The following LHPP variants were observed in gnomAD, a reference collection of about 807,000 sequenced individuals.
LHPP encodes phospholysine phosphohistidine inorganic pyrophosphate phosphatase.
LHPP carries 24 observed loss-of-function variants against 30.3 expected under a neutral mutation model. That is an observed-to-expected ratio of 0.79 (90% confidence interval 0.57 to 1.11). The LOEUF (loss-of-function observed/expected upper bound fraction) is 1.11, where lower values mean the gene tolerates loss of function less well. LHPP is among the 50% of genes most tolerant of loss of function. The pLI, the probability that LHPP is intolerant of heterozygous loss-of-function variation, is 0.00. For synonymous variants in LHPP, 150 were observed against 157.1 expected (o/e 0.95, Z 0.34); for missense variants, 356 against 367.2 (o/e 0.97, Z 0.25).
chr10:124,548,626 C>T (rs955841460), intron 6 of LHPP, among the ~76,000 whole-genome samples: 1 of 152,190 alleles, frequency 6.6e-6, no homozygotes, highest in African/African-American at 2.4e-5. Flanking sequence ...GGGAGGAGGG[C>T]ATGGGAGGTG....
intron 1 of LHPP, among the ~76,000 whole-genome samples, chr10:124,474,865 C>T (rs1952893249): frequency 6.6e-6 from 1 of 152,118 alleles, no homozygotes; most frequent in African/African-American, 2.4e-5. Flanking sequence ...CTGGGCGATA[C>T]ACTCTGGGCT....
At chr10:124,490,281 G>A (rs746365639) in intron 3 of LHPP, 131 of 200,816 alleles carry the variant, frequency 6.5e-4, no homozygotes, top group Admixed American at 1.2e-3. Context: ...CAGCCTGCCA[G>A]TCTCCAGACC....
chr10:124,553,849 G>C, intron 6 of LHPP: 1 of 977,222 alleles, frequency 1.0e-6, no homozygotes, highest in Non-Finnish European at 1.2e-6. Flanking sequence ...CCCCTCCTCT[G>C]TCTGCAGAAG....
At position 124,496,730 on chromosome 10, in the gene LHPP, C is replaced by A. The variant is rs2133871740; in HGVS notation, c.468-231C>A. On this transcript the variant is annotated intron_variant, in intron 3 of 6. Transcript: ENST00000368842. This position sits in a 1 kb window ranked among gnomAD's most constrained non-coding sequence, Gnocchi z 4.3. The stretch of plus-strand genomic sequence containing the variant: ...TTGCGTTCTGTGCGACCTGTGGCAT[C>A]CCTGGAGCTGCTGGCTGCTGCGCTC... 6.6e-6 allele frequency among the ~76,000 whole-genome samples: 1 copy of A among 152,372 alleles called. No individual in the cohort carries two copies. The highest frequency in any genetic ancestry group is 3.4e-3 in the Middle Eastern group (1 of 294).
rs114629847 is a variant in LHPP, at chr10:124,495,165, A to G, written c.468-1796A>G. 9.6e-3 allele frequency among the ~76,000 whole-genome samples: 1,463 copies of G among 152,244 alleles called. 23 individuals are homozygous for G. Among genetic ancestry groups the G allele is most frequent in the African/African-American group, 0.033 (1,356 of 41,540 alleles). Reference sequence around the variant, plus strand: ...ATTTCTAAGCCTGTTTTTGGGGGTCACTCTAAAAGGGAGGGCATTTTCAGG... The same window carrying G: ...ATTTCTAAGCCTGTTTTTGGGGGTCGCTCTAAAAGGGAGGGCATTTTCAGG... On this transcript the variant is annotated intron_variant, in intron 3 of 6. Coordinates refer to ENST00000368842, the MANE Select transcript of LHPP (RefSeq NM_022126.4).
chr10:124,501,908 TTTTCTGAGCCTCTC>T (rs1953913478), intron 5 of LHPP, among the ~76,000 whole-genome samples: 1 of 152,032 alleles, frequency 6.6e-6, no homozygotes, highest in Admixed American at 6.5e-5. Context: ...CGTTTTTATG[TTTTCTGAGCCTCTC>T]TTTTTAGCCC....
chr10:124,535,919 C>A (rs1205559541), intron 6 of LHPP, among the ~76,000 whole-genome samples: 1 of 152,252 alleles, frequency 6.6e-6, no homozygotes. Context: ...CTGGGGAGAT[C>A]AAGGTGGGGC....
intron 6 of LHPP, among the ~76,000 whole-genome samples, chr10:124,536,306 G>A (rs1955025551): frequency 6.6e-6 from 1 of 152,252 alleles, no homozygotes; most frequent in South Asian, 2.1e-4. Context: ...TAGTCAGCAG[G>A]AGGGAGAAGA....
intron 3 of LHPP, among the ~76,000 whole-genome samples, chr10:124,495,172 A>G (rs886317750): frequency 6.6e-6 from 1 of 152,146 alleles, no homozygotes; most frequent in Non-Finnish European, 1.5e-5. Context: ...GTCACTCTAA[A>G]AGGGAGGGCA....
At chr10:124,503,398 A>G (rs372507095) in intron 5 of LHPP, among the ~76,000 whole-genome samples, 1 of 151,988 alleles carries the variant, frequency 6.6e-6, no homozygotes, top group East Asian at 1.9e-4. Context: ...GGCCCAAGAC[A>G]TTTCTTCTTC....
intron 6 of LHPP, among the ~76,000 whole-genome samples, chr10:124,533,834 C>T (rs1350608591): frequency 6.6e-6 from 1 of 152,214 alleles, no homozygotes; most frequent in East Asian, 1.9e-4. Context: ...CAGGGCCAGA[C>T]CCCAAGTGTG....
intron 1 of LHPP, among the ~76,000 whole-genome samples, chr10:124,481,389 T>TG (rs1483388215): frequency 2.9e-5 from 4 of 136,698 alleles, no homozygotes; most frequent in Non-Finnish European, 6.6e-5. Context: ...TTTTTTTTTT[T>TG]TTTTTGCGAC....
At chr10:124,470,913 T>A (rs1004119811) in intron 1 of LHPP, among the ~76,000 whole-genome samples, 1 of 151,414 alleles carries the variant, frequency 6.6e-6, no homozygotes, top group Non-Finnish European at 1.5e-5. Flanking sequence ...CCATTTGCTG[T>A]CAGGAGGTGA....
At chr10:124,526,485 C>T (rs1954740413) in intron 6 of LHPP, among the ~76,000 whole-genome samples, 1 of 152,216 alleles carries the variant, frequency 6.6e-6, no homozygotes, top group Non-Finnish European at 1.5e-5. Context: ...AAGGCCTGTG[C>T]CCCTGAACAT....
chr10:124,498,815 G>GCC (rs1462787853), intron 5 of LHPP: 11 of 334,354 alleles, frequency 3.3e-5, no homozygotes, highest in African/African-American at 2.9e-4. Flanking sequence ...TTACTAACCA[G>GCC]GCCCCCCCCC....
At chr10:124,468,354 C>T (rs4962579) in intron 1 of LHPP, among the ~76,000 whole-genome samples, 86,983 of 151,968 alleles carry the variant, frequency 0.57, 25,219 homozygotes, top group African/African-American at 0.59. Context: ...ATAACAATCC[C>T]GAAATACACC....
chr10:124,494,662 C>G (rs950701047), intron 3 of LHPP, among the ~76,000 whole-genome samples: 1 of 152,140 alleles, frequency 6.6e-6, no homozygotes, highest in Non-Finnish European at 1.5e-5. Flanking sequence ...CCAAGGTGCT[C>G]CCTGGACCCG....
intron 6 of LHPP, among the ~76,000 whole-genome samples, chr10:124,528,800 G>A (rs981051595): frequency 4.6e-5 from 7 of 152,028 alleles, no homozygotes; most frequent in African/African-American, 1.2e-4. Flanking sequence ...GTGGGGGATC[G>A]AGTGAATGTG....
chr10:124,518,073 A>G (rs1197013862), intron 6 of LHPP, among the ~76,000 whole-genome samples: 1 of 152,092 alleles, frequency 6.6e-6, no homozygotes, highest in Non-Finnish European at 1.5e-5. Context: ...AGGACCAGAG[A>G]AGACAGATCA....
Sources: allele counts gnomAD v4.1 joint callset (sites outside exome capture counted in the v4.1 genomes callset), GRCh38; gene constraint gnomAD v4.1.1; non-coding constraint Gnocchi (gnomAD v3.1); transcripts MANE v1.5; gene names NCBI Gene and HGNC (gene_info 2026-07-23, HGNC 2026-07-21).